DTNA: variants seen among roughly 807,000 people sequenced by gnomAD.
DTNA encodes dystrophin-related protein 3.
In DTNA, 43 loss-of-function variants were observed where a neutral mutation model predicts 100.7. The ratio of observed to expected loss-of-function variants is 0.43; its 90% CI spans 0.33 to 0.55. The LOEUF (loss-of-function observed/expected upper bound fraction) is 0.55. DTNA is among the 20% of genes least tolerant of loss of function. The pLI is 0.04. For missense variants in DTNA, 798 were observed against 953.9 expected (o/e 0.84, Z 2.15); for synonymous variants, 349 against 347.9 (o/e 1.00, Z -0.04).
intron 1 of DTNA, among the ~76,000 whole-genome samples, chr18:34,511,116 T>G (rs187263710): frequency 6.0e-4 from 91 of 152,226 alleles, no homozygotes; most frequent in Non-Finnish European, 1.1e-3. Flanking sequence ...ATTTGCTTAA[T>G]CACAATTAGA....
intron 22 of DTNA, among the ~76,000 whole-genome samples, chr18:34,886,864 T>C (rs1025313263): frequency 7.2e-5 from 11 of 152,254 alleles, no homozygotes; most frequent in Admixed American, 2.6e-4. Flanking sequence ...CAGCTGGTTC[T>C]ATCCTATTGT....
chr18:34,799,534 C>G (rs4368228), intron 4 of DTNA, among the ~76,000 whole-genome samples: 18,900 of 152,162 alleles, frequency 0.12, 1,280 homozygotes, highest in African/African-American at 0.17. Context: ...AAATGTTCTT[C>G]TCTTTTATTA....
chr18:34,506,915 C>G lies in DTNA; in HGVS notation c.-2+13401C>G, dbSNP rs569571921. On this transcript the variant is annotated intron_variant, in intron 1 of 19. Coordinates refer to the DTNA transcript ENST00000283365. ...TTCTTCACAGAAGCAAAAGCCCAAT[C>G]TATATGTTTTATGCAAGCATAAACT... is the stretch of plus-strand genomic sequence containing the variant. Among the ~76,000 whole-genome samples the G allele has an allele frequency of 2.0e-5, 3 of 152,258 alleles. No individual in the cohort carries two copies. The South Asian group carries it at 6.2e-4, about 32-fold the overall frequency.
intron 1 of DTNA, among the ~76,000 whole-genome samples, chr18:34,558,986 T>C (rs2046388773): frequency 6.6e-6 from 1 of 152,194 alleles, no homozygotes; most frequent in Non-Finnish European, 1.5e-5. Context: ...CCACTCTTAA[T>C]GTTGGTTGAT....
chr18:34,778,387 T>C (rs893366798), intron 3 of DTNA, among the ~76,000 whole-genome samples: 6 of 152,198 alleles, frequency 3.9e-5, no homozygotes, highest in Admixed American at 6.5e-5. Context: ...ACTTCACTCT[T>C]TTTATAGCAT....
At chr18:34,818,965 A>G (rs1016285112) in intron 8 of DTNA, among the ~76,000 whole-genome samples, 3 of 152,120 alleles carry the variant, frequency 2.0e-5, no homozygotes, top group African/African-American at 7.2e-5. Context: ...CTGTGGGAGG[A>G]AATGTGACTC....
At chr18:34,857,566 A>G (rs1024075024) in intron 15 of DTNA, among the ~76,000 whole-genome samples, 1 of 152,198 alleles carries the variant, frequency 6.6e-6, no homozygotes, top group African/African-American at 2.4e-5. Flanking sequence ...TCTGACATCA[A>G]TAGTTGACTG....
intron 1 of DTNA, among the ~76,000 whole-genome samples, chr18:34,533,176 G>C (rs191560657): frequency 6.6e-6 from 1 of 151,632 alleles, no homozygotes; most frequent in Non-Finnish European, 1.5e-5. Context: ...TTCACGACCA[G>C]CCTGACCAAC....
At chr18:34,766,329 A>G (rs1416463378) in intron 3 of DTNA, among the ~76,000 whole-genome samples, 3 of 152,190 alleles carry the variant, frequency 2.0e-5, no homozygotes, top group Non-Finnish European at 4.4e-5. Flanking sequence ...AATGGTTTAA[A>G]TCTGGATGGA....
At chr18:34,532,568 G>A (rs74641152) in intron 1 of DTNA, among the ~76,000 whole-genome samples, 3,398 of 152,020 alleles carry the variant, frequency 0.022, 122 homozygotes, top group African/African-American at 0.077. Flanking sequence ...CACCCGGAAG[G>A]AAGTCTTTGT....
intron 16 of DTNA, among the ~76,000 whole-genome samples, chr18:34,861,485 C>CAAAAAAAAAAAAA (rs11329850): frequency 2.6e-5 from 2 of 77,942 alleles, no homozygotes; most frequent in Non-Finnish European, 4.6e-5. Context: ...GACTCCGTCT[C>CAAAAAAAAAAAAA]AAAAAAAAAA....
intron 1 of DTNA, among the ~76,000 whole-genome samples, chr18:34,694,129 G>GA (rs148951850): frequency 1.7e-4 from 26 of 150,306 alleles, no homozygotes; most frequent in Non-Finnish European, 1.5e-4. Context: ...CAGTATTTTA[G>GA]AAAAAAAAAT....
At chr18:34,536,436 G>C (rs1485976864) in intron 1 of DTNA, among the ~76,000 whole-genome samples, 1 of 151,792 alleles carries the variant, frequency 6.6e-6, no homozygotes, top group Non-Finnish European at 1.5e-5. Flanking sequence ...ACATGTTATT[G>C]ATTCTTTTAA....
At chr18:34,751,162 G>T (rs374292412) in intron 1 of DTNA, among the ~76,000 whole-genome samples, 106 of 152,332 alleles carry the variant, frequency 7.0e-4, no homozygotes, top group African/African-American at 2.5e-3. Context: ...ATATGGGAGA[G>T]AAAAAGCTGA....
At chr18:34,628,033 C>T (rs2057570133) in intron 1 of DTNA, among the ~76,000 whole-genome samples, 1 of 152,112 alleles carries the variant, frequency 6.6e-6, no homozygotes, top group South Asian at 2.1e-4. Flanking sequence ...TCAAGTGATA[C>T]TTCTGCCTCA....
chr18:34,685,787 ATTTG>A (rs1442601447), intron 1 of DTNA, among the ~76,000 whole-genome samples: 1 of 152,136 alleles, frequency 6.6e-6, no homozygotes, highest in Non-Finnish European at 1.5e-5. Flanking sequence ...ATGTTTTTCC[ATTTG>A]TTTGTGTCAC....
chr18:34,577,919 A>G (rs903424592), intron 1 of DTNA, among the ~76,000 whole-genome samples: 7 of 149,744 alleles, frequency 4.7e-5, no homozygotes, highest in Admixed American at 2.0e-4. Flanking sequence ...TGCTATAAAC[A>G]TACATGTGCA....
At chr18:34,591,114 T>TA (rs2049676087) in intron 1 of DTNA, among the ~76,000 whole-genome samples, 1 of 150,688 alleles carries the variant, frequency 6.6e-6, no homozygotes, top group African/African-American at 2.5e-5. Context: ...AAACATTTCA[T>TA]TTTTTTTTCT....
chr18:34,591,997 A>G (rs1007064348), intron 1 of DTNA, among the ~76,000 whole-genome samples: 4 of 152,222 alleles, frequency 2.6e-5, no homozygotes, highest in African/African-American at 7.2e-5. Context: ...TCAACAAACA[A>G]AAACAGAAAG....
Sources: allele counts gnomAD v4.1 joint callset (sites outside exome capture counted in the v4.1 genomes callset), GRCh38; gene constraint gnomAD v4.1.1; transcripts MANE v1.5; gene names NCBI Gene and HGNC (gene_info 2026-07-23, HGNC 2026-07-21).